QTGAL: variants seen among roughly 807,000 people sequenced by gnomAD.
QTGAL encodes the protein queuosine-tRNA galactosyltransferase.
the QTGAL span, among the ~76,000 whole-genome samples, chr17:83,051,259 G>GTGGGCAGGTGCGCGGGGGC: frequency 2.2e-4 from 30 of 136,486 alleles, no homozygotes; most frequent in East Asian, 8.7e-4. Context: ...TGTGAGGTGC[G>GTGGGCAGGTGCGCGGGGGC]GGGGCAGGTG....
At chr17:82,946,036 TCTC>T in the QTGAL span, 6 of 152,182 alleles carry the variant, frequency 3.9e-5, no homozygotes, top group Admixed American at 2.6e-4. Context: ...AAGTCTATGT[TCTC>T]CTGGAACAGA....
chr17:82,997,642 T>C, the QTGAL span, among the ~76,000 whole-genome samples: 1,841 of 152,284 alleles, frequency 0.012, 41 homozygotes, highest in African/African-American at 0.042. Flanking sequence ...TCTAAATGTC[T>C]ATCATCACAT....
chr17:83,048,648 C>T, the QTGAL span: 23 of 1,608,496 alleles, frequency 1.4e-5, no homozygotes, highest in African/African-American at 4.0e-5. Flanking sequence ...CTGAGTCACC[C>T]GACAGGAAGT....
chr17:83,009,627 G>A, the QTGAL span, among the ~76,000 whole-genome samples: 3 of 152,134 alleles, frequency 2.0e-5, no homozygotes, highest in African/African-American at 7.2e-5. Context: ...TCCTGAAGAC[G>A]GCAAAGGGGC....
the QTGAL span, among the ~76,000 whole-genome samples, chr17:82,984,632 T>G: frequency 1.3e-5 from 2 of 151,200 alleles, no homozygotes; most frequent in Non-Finnish European, 3.0e-5. Context: ...CAGAGAGGCA[T>G]GAGGAGGAAC....
At chr17:83,051,751 T>C in the QTGAL span, 7 of 1,497,370 alleles carry the variant, frequency 4.7e-6, no homozygotes, top group Admixed American at 2.1e-5. Flanking sequence ...TGGGCCTGCA[T>C]GGCCTGGCTC....
the QTGAL span, among the ~76,000 whole-genome samples, chr17:83,018,010 GCGCC>G: frequency 5.9e-4 from 81 of 136,758 alleles, no homozygotes; most frequent in African/African-American, 9.2e-4. Context: ...TGAACACCGT[GCGCC>G]TGTATCAGGT....
chr17:82,947,109 T>TA, the QTGAL span: 1 of 737,422 alleles, frequency 1.4e-6, no homozygotes, highest in Non-Finnish European at 2.2e-6. Context: ...GCTCCTCTGC[T>TA]AATAGCGGAG....
chr17:82,977,288 C>T, the QTGAL span, among the ~76,000 whole-genome samples: 1 of 152,188 alleles, frequency 6.6e-6, no homozygotes, highest in Admixed American at 6.5e-5. Context: ...CGACACGGAC[C>T]GTGTTTGCAT....
the QTGAL span, among the ~76,000 whole-genome samples, chr17:82,946,400 C>T: frequency 6.6e-6 from 1 of 152,224 alleles, no homozygotes; most frequent in Non-Finnish European, 1.5e-5. Context: ...ATTGATAGAA[C>T]TTTCCTACAT....
chr17:82,990,897 G>A, the QTGAL span, among the ~76,000 whole-genome samples: 2 of 152,250 alleles, frequency 1.3e-5, no homozygotes, highest in Admixed American at 1.3e-4. Flanking sequence ...GAGAAAAGGT[G>A]GGTGTCTGCA....
chr17:83,023,642 A>G, the QTGAL span, among the ~76,000 whole-genome samples: 2 of 152,352 alleles, frequency 1.3e-5, no homozygotes, highest in African/African-American at 4.8e-5. Context: ...GGTCACCACC[A>G]TGCTCTGTGG....
chr17:82,960,985 CG>C, the QTGAL span: 2 of 1,527,444 alleles, frequency 1.3e-6, no homozygotes, highest in South Asian at 2.4e-5. Flanking sequence ...CCACCAACCC[CG>C]GCCCCGACCT....
At chr17:83,043,854 G>T in the QTGAL span, among the ~76,000 whole-genome samples, 7 of 152,122 alleles carry the variant, frequency 4.6e-5, no homozygotes, top group South Asian at 1.4e-3. Context: ...TTATGACAGT[G>T]TGAAAAACAA....
the QTGAL span, among the ~76,000 whole-genome samples, chr17:82,974,887 C>T: frequency 6.6e-6 from 1 of 152,142 alleles, no homozygotes; most frequent in Non-Finnish European, 1.5e-5. Flanking sequence ...ACTCCATCCT[C>T]CCAGGGGCCG....
chr17:82,987,220 CCTA>C, the QTGAL span, among the ~76,000 whole-genome samples: 3 of 152,132 alleles, frequency 2.0e-5, no homozygotes, highest in African/African-American at 7.2e-5. Context: ...ATTATATACA[CCTA>C]CTATGTGTCC....
the QTGAL span, among the ~76,000 whole-genome samples, chr17:82,962,011 TCC>T: frequency 7.0e-6 from 1 of 142,228 alleles, no homozygotes; most frequent in African/African-American, 3.1e-5. Flanking sequence ...GAGTCTGGTC[TCC>T]TCGTGGTTCT....
At chr17:82,970,541 TCCGCACCCGGCGTGGCCGCG>T in the QTGAL span, among the ~76,000 whole-genome samples, 1 of 147,926 alleles carries the variant, frequency 6.8e-6, no homozygotes, top group Admixed American at 6.7e-5. Context: ...GGCCGCGACC[TCCGCACCCGGCGTGGCCGCG>T]ACCTCCGCAC....
the QTGAL span, among the ~76,000 whole-genome samples, chr17:82,982,462 C>G: frequency 9.9e-5 from 15 of 151,004 alleles, no homozygotes; most frequent in African/African-American, 3.7e-4. Flanking sequence ...AATGAGCCCA[C>G]AAAAGGGCCT....
Sources: gnomAD v4.1 joint callset for allele counts (sites outside exome capture counted in the v4.1 genomes callset) on GRCh38, gnomAD v4.1.1 for gene constraint, MANE v1.5 for transcripts, NCBI Gene and HGNC (gene_info 2026-07-23, HGNC 2026-07-21) for gene names.